Variants in C10orf90 observed in about 807,000 individuals in gnomAD.
The protein encoded by C10orf90 is chromosome 10 open reading frame 90.
C10orf90 carries 56 observed loss-of-function variants against 62.5 expected under a neutral mutation model. The observed-to-expected ratio is 0.90, with a 90% CI of 0.72 to 1.12. C10orf90 has a LOEUF of 1.12. Ranked by LOEUF, C10orf90 falls within the 50% of genes most tolerant of loss-of-function variation. The pLI is 0.00. For synonymous variants in C10orf90, 386 were observed against 340.4 expected (o/e 1.13, Z -1.47); for missense variants, 970 against 880.4 (o/e 1.10, Z -1.29).
At chr10:126,631,268 G>A (rs150256260) in intron 2 of C10orf90, among the ~76,000 whole-genome samples, 221 of 152,150 alleles carry the variant, frequency 1.5e-3, no homozygotes, top group African/African-American at 4.8e-3. Context: ...TCTCCAACTC[G>A]TTTTCCTACT....
intron 2 of C10orf90, among the ~76,000 whole-genome samples, chr10:126,617,037 G>C (rs1194223261): frequency 6.6e-6 from 1 of 152,156 alleles, no homozygotes; most frequent in African/African-American, 2.4e-5. Flanking sequence ...TTGCAGTCAG[G>C]AAATGAAACT....
At chr10:126,620,475 G>C (rs577983598) in intron 2 of C10orf90, among the ~76,000 whole-genome samples, 89 of 152,144 alleles carry the variant, frequency 5.8e-4, no homozygotes, top group African/African-American at 2.1e-3. Context: ...TAAAATTCAC[G>C]TTATCAATTG....
intron 4 of C10orf90, among the ~76,000 whole-genome samples, chr10:126,471,220 C>T (rs1860569174): frequency 6.7e-6 from 1 of 148,938 alleles, no homozygotes; most frequent in Non-Finnish European, 1.5e-5. Flanking sequence ...AATGGGAATG[C>T]CAAGGAGGAC....
At chr10:126,576,759 A>ATG in intron 2 of C10orf90, among the ~76,000 whole-genome samples, 1 of 57,972 alleles carries the variant, frequency 1.7e-5, no homozygotes, top group Non-Finnish European at 3.2e-5. Context: ...CATATAGATA[A>ATG]TATGTATATG....
intron 1 of C10orf90, among the ~76,000 whole-genome samples, chr10:126,659,925 C>T (rs1308760203): frequency 6.6e-6 from 1 of 152,250 alleles, no homozygotes; most frequent in Non-Finnish European, 1.5e-5. Flanking sequence ...GTTCATAATG[C>T]ATCCCACAAA....
At chr10:126,661,715 A>G (rs1471983448) in intron 1 of C10orf90, among the ~76,000 whole-genome samples, 1 of 141,908 alleles carries the variant, frequency 7.0e-6, no homozygotes, top group Non-Finnish European at 1.5e-5. Flanking sequence ...AAGTTCATTG[A>G]TCTTTTCTTC....
chr10:126,658,296 A>T (rs879593111), intron 1 of C10orf90, among the ~76,000 whole-genome samples: 1 of 152,226 alleles, frequency 6.6e-6, no homozygotes, highest in Non-Finnish European at 1.5e-5. Context: ...CTTATGCTGA[A>T]GTGATGACAC....
chr10:126,654,989 T>C (rs192240395), intron 1 of C10orf90, among the ~76,000 whole-genome samples: 1 of 152,274 alleles, frequency 6.6e-6, no homozygotes, highest in Non-Finnish European at 1.5e-5. Context: ...TTTGGTATGT[T>C]TTCTGGGTGC....
chr10:126,525,841 G>C lies in C10orf90; in HGVS notation c.314-11902C>G, dbSNP rs190886441. On this transcript the variant is annotated intron_variant, in intron 2 of 9. Coordinates refer to ENST00000488181, the MANE Select transcript of C10orf90 (RefSeq NM_001350921.2). ...GTGTGGGTTTGGTTTTGAGTTCTTT[G>C]GCTTTTTGTTTTTGCTGTTGTTGTT... Among the ~76,000 whole-genome samples the C allele has an allele frequency of 8.5e-5, 13 of 152,186 alleles. No individual in the cohort carries two copies. In the East Asian group the frequency reaches 2.5e-3, roughly 29 times the overall value.
intron 4 of C10orf90, among the ~76,000 whole-genome samples, chr10:126,478,662 G>T (rs1433573753): frequency 2.0e-5 from 3 of 152,182 alleles, no homozygotes; most frequent in African/African-American, 7.2e-5. Context: ...GATGAAGATT[G>T]ATGCGAGTTA....
intron 2 of C10orf90, among the ~76,000 whole-genome samples, chr10:126,544,559 T>C (rs1864448901): frequency 6.6e-6 from 1 of 152,112 alleles, no homozygotes; most frequent in South Asian, 2.1e-4. Context: ...TTTTTTTCCT[T>C]TCCATCGAAA....
chr10:126,492,982 C>T (rs1268248074), intron 4 of C10orf90, among the ~76,000 whole-genome samples: 2 of 151,936 alleles, frequency 1.3e-5, no homozygotes, highest in African/African-American at 4.8e-5. Flanking sequence ...AAAATGGAAA[C>T]AATCTATTTA....
At chr10:126,491,367 C>T (rs577211424) in intron 4 of C10orf90, among the ~76,000 whole-genome samples, 3 of 152,186 alleles carry the variant, frequency 2.0e-5, no homozygotes, top group Non-Finnish European at 2.9e-5. Flanking sequence ...CAGAAATCAT[C>T]TATATCTAAT....
At chr10:126,477,102 TTTTTTTTTTTTTTTTTGG>T (rs1564819828) in intron 4 of C10orf90, among the ~76,000 whole-genome samples, 9 of 114,756 alleles carry the variant, frequency 7.8e-5, no homozygotes, top group African/African-American at 9.9e-5. Flanking sequence ...TTTTTTTTTT[TTTTTTTTTTTTTTTTTGG>T]ATTTTTGGAG....
intron 1 of C10orf90, among the ~76,000 whole-genome samples, chr10:126,646,927 G>A (rs1167348610): frequency 6.6e-6 from 1 of 152,150 alleles, no homozygotes; most frequent in African/African-American, 2.4e-5. Context: ...GATTTGGTTA[G>A]CAGATCAAGG....
chr10:126,493,755 A>G (rs562200209), intron 4 of C10orf90, among the ~76,000 whole-genome samples: 2 of 152,368 alleles, frequency 1.3e-5, no homozygotes, highest in East Asian at 1.9e-4. Context: ...GCAACATTTC[A>G]GTGAATGATG....
rs773456724 is a variant in C10orf90, at chr10:126,459,081, C to A, written c.2147G>T (p.Arg716Leu). 5 of 1,613,814 alleles carry A rather than the reference C, an allele frequency of 3.1e-6. No homozygotes were observed. Among genetic ancestry groups the A allele is most frequent in the Non-Finnish European group, 4.2e-6 (5 of 1,180,010 alleles). ...LRQKQSLLPIRTSKKQFTIPH... is the reference protein window; with the variant it reads ...LRQKQSLLPILTSKKQFTIPH... ...AATCGTGAACTGCTTCTTGCTGGTGCGGATGGGAAGGAGGCTCTGCTTCTG... is the reference window on the plus strand; with the variant it reads ...AATCGTGAACTGCTTCTTGCTGGTGAGGATGGGAAGGAGGCTCTGCTTCTG... The change falls in exon 7 of 10, where the codon CGC becomes CTC. Residue 716 changes from arginine to leucine, a missense_variant. Arg to Leu is a moderately radical substitution (Grantham distance 102). Coordinates refer to ENST00000488181, the MANE Select transcript of C10orf90 (RefSeq NM_001350921.2).
At chr10:126,436,464 A>T (rs927427639) in intron 7 of C10orf90, among the ~76,000 whole-genome samples, 1 of 152,166 alleles carries the variant, frequency 6.6e-6, no homozygotes, top group Non-Finnish European at 1.5e-5. Flanking sequence ...AAAATTAAAC[A>T]TCATACTTTT....
At chr10:126,590,312 C>A (rs1288198847) in intron 2 of C10orf90, among the ~76,000 whole-genome samples, 1 of 152,156 alleles carries the variant, frequency 6.6e-6, no homozygotes, top group Admixed American at 6.5e-5. Context: ...ATATTCAGGA[C>A]CTGAACTCAG....
Sources: allele counts gnomAD v4.1 joint callset (sites outside exome capture counted in the v4.1 genomes callset), GRCh38; gene constraint gnomAD v4.1.1; transcripts MANE v1.5; gene names NCBI Gene and HGNC (gene_info 2026-07-23, HGNC 2026-07-21).